The following RARB variants were observed in gnomAD, a reference collection of about 807,000 sequenced individuals.
RARB encodes the protein retinoic acid receptor beta, also known as HBV-activated protein.
In RARB, 17 loss-of-function variants were observed where a neutral mutation model predicts 51.9. That is an observed-to-expected ratio of 0.33 (90% CI 0.22 to 0.49). The LOEUF (loss-of-function observed/expected upper bound fraction) is 0.49, where lower values mean the gene tolerates loss of function less well. Among genes scored for constraint, RARB ranks in the 20% least tolerant of loss-of-function variants. The probability of loss-of-function intolerance (pLI) is 0.99; values close to 1 mark genes in which losing one functional copy is unlikely to be tolerated. For missense variants in RARB, 369 were observed against 550.8 expected, an observed-to-expected ratio of 0.67 and a Z score of 3.30; for synonymous variants, 215 against 195.4, an observed-to-expected ratio of 1.10 and a Z score of -0.84.
At chr3:25,489,231 A>G (rs1446356781) in intron 2 of RARB, among the ~76,000 whole-genome samples, 1 of 152,206 alleles carries the variant, frequency 6.6e-6, no homozygotes, top group East Asian at 1.9e-4. Context: ...AAATCTTGGC[A>G]CTGTGCTGAC....
At chr3:25,477,229 G>C (rs572145208) in intron 2 of RARB, among the ~76,000 whole-genome samples, 1 of 152,294 alleles carries the variant, frequency 6.6e-6, no homozygotes, top group South Asian at 2.1e-4. Context: ...CTGAGATTCA[G>C]AGGTATGCAG....
chr3:25,444,510 T>C (rs910090890), intron 1 of RARB, among the ~76,000 whole-genome samples: 1 of 152,208 alleles, frequency 6.6e-6, no homozygotes, highest in African/African-American at 2.4e-5. Flanking sequence ...AGGCTTATTA[T>C]TTACAGATGT....
At chr3:25,338,567 A>G (rs1705132482) in intron 5 of RARB, among the ~76,000 whole-genome samples, 1 of 152,190 alleles carries the variant, frequency 6.6e-6, no homozygotes, top group South Asian at 2.1e-4. Flanking sequence ...GGCAGCTGCC[A>G]GCCTGCTAGG....
intron 3 of RARB, among the ~76,000 whole-genome samples, chr3:25,534,269 C>G (rs987866613): frequency 1.3e-5 from 2 of 152,178 alleles, no homozygotes; most frequent in African/African-American, 4.8e-5. Flanking sequence ...ATCATAGTAC[C>G]TACCTTAACA....
rs147484568 is a variant in RARB, at chr3:25,400,709, A to G, written c.179-60484A>G. ...TAGAAATACAGTTCCTGGCATATAGAATAAAGTTTCCTAGTTGAGTTTTTT... is the reference window on the plus strand; with the variant it reads ...TAGAAATACAGTTCCTGGCATATAGGATAAAGTTTCCTAGTTGAGTTTTTT... On this transcript the variant is annotated intron_variant, in intron 5 of 11. Coordinates refer to the RARB transcript ENST00000383772. Among the ~76,000 whole-genome samples the G allele has an allele frequency of 1.6e-4, 25 of 152,230 alleles. 1 individual carries two copies. In the East Asian group the frequency reaches 4.8e-3, roughly 29 times the overall value.
chr3:25,485,588 G>A (rs761216912), intron 2 of RARB, among the ~76,000 whole-genome samples: 1 of 152,048 alleles, frequency 6.6e-6, no homozygotes, highest in Non-Finnish European at 1.5e-5. Flanking sequence ...TGTGAACTCC[G>A]GTTCTTTGTA....
At chr3:25,334,933 G>T (rs1260616301) in intron 5 of RARB, among the ~76,000 whole-genome samples, 1 of 152,146 alleles carries the variant, frequency 6.6e-6, no homozygotes, top group Non-Finnish European at 1.5e-5. Context: ...TCAGATCAGT[G>T]TGAGTTGTGG....
chr3:24,973,995 A>C (rs1020486220), intron 2 of RARB, among the ~76,000 whole-genome samples: 1 of 152,016 alleles, frequency 6.6e-6, no homozygotes, highest in Non-Finnish European at 1.5e-5. Flanking sequence ...GTGTTGAATA[A>C]AAGTGGTGAA....
At chr3:25,425,506 A>G (rs865827452), upstream of RARB, among the ~76,000 whole-genome samples, 3 of 152,360 alleles carry the variant, frequency 2.0e-5, no homozygotes, top group South Asian at 6.2e-4. Flanking sequence ...TTAATTGACT[A>G]GCGAATATTG....
At chr3:25,114,168 T>C (rs1451517284) in intron 3 of RARB, among the ~76,000 whole-genome samples, 1 of 152,144 alleles carries the variant, frequency 6.6e-6, no homozygotes, top group Non-Finnish European at 1.5e-5. Flanking sequence ...ATATTTGTGT[T>C]TAAAGCCTTT....
chr3:25,377,448 T>G (rs1706500246), intron 5 of RARB, among the ~76,000 whole-genome samples: 1 of 152,226 alleles, frequency 6.6e-6, no homozygotes, highest in Non-Finnish European at 1.5e-5. Flanking sequence ...TGGCACTGTG[T>G]AGGTCAGATA....
intron 2 of RARB, among the ~76,000 whole-genome samples, chr3:25,478,875 TG>T (rs1366579209): frequency 6.6e-6 from 1 of 152,236 alleles, no homozygotes; most frequent in Non-Finnish European, 1.5e-5. Context: ...TTACCAAATG[TG>T]GGCTCTAATG....
intron 5 of RARB, among the ~76,000 whole-genome samples, chr3:25,333,527 C>T (rs981254802): frequency 6.6e-6 from 1 of 152,062 alleles, no homozygotes. Flanking sequence ...AAAATTAATT[C>T]AAGATGGATT....
At chr3:25,159,053 A>C (rs1700426901) in intron 4 of RARB, among the ~76,000 whole-genome samples, 1 of 151,992 alleles carries the variant, frequency 6.6e-6, no homozygotes, top group Admixed American at 6.6e-5. Flanking sequence ...TTGGCTGTGT[A>C]AGTGAAAAAA....
At chr3:25,164,932 A>T (rs953266487) in intron 4 of RARB, among the ~76,000 whole-genome samples, 5 of 152,094 alleles carry the variant, frequency 3.3e-5, no homozygotes, top group Non-Finnish European at 4.4e-5. Flanking sequence ...TCAGTAACAT[A>T]TCAGGCTTAA....
intron 1 of RARB, among the ~76,000 whole-genome samples, chr3:24,851,178 TAATCCCAGCACTTTGAGAGGGGG>T (rs1247533536): frequency 6.6e-6 from 1 of 152,134 alleles, no homozygotes; most frequent in Non-Finnish European, 1.5e-5. Flanking sequence ...CTCATGCCTG[TAATCCCAGCACTTTGAGAGGGGG>T]AGAATTGCTT....
At chr3:25,485,414 CAG>C (rs1326136489) in intron 2 of RARB, among the ~76,000 whole-genome samples, 1 of 152,192 alleles carries the variant, frequency 6.6e-6, no homozygotes, top group Non-Finnish European at 1.5e-5. Context: ...AGCCTCATCT[CAG>C]AGAGTGACAG....
chr3:25,220,427 C>A (rs773010115), intron 5 of RARB, among the ~76,000 whole-genome samples: 1 of 152,110 alleles, frequency 6.6e-6, no homozygotes, highest in African/African-American at 2.4e-5. Flanking sequence ...GTTATAAGAC[C>A]TAGTTTCAAA....
chr3:25,396,501 A>C (rs978728420), intron 5 of RARB, among the ~76,000 whole-genome samples: 2 of 152,132 alleles, frequency 1.3e-5, no homozygotes, highest in African/African-American at 4.8e-5. Context: ...GGCACTTTTG[A>C]AGAGAGCATC....
Sources: allele counts gnomAD v4.1 joint callset (sites outside exome capture counted in the v4.1 genomes callset), GRCh38; gene constraint gnomAD v4.1.1; transcripts MANE v1.5; gene names NCBI Gene and HGNC (gene_info 2026-07-23, HGNC 2026-07-21).